The following NEB variants were observed in gnomAD, a reference collection of about 807,000 sequenced individuals.
NEB encodes the protein nebulin.
In NEB, 512 loss-of-function variants were observed where a neutral mutation model predicts 952.2. The observed-to-expected ratio is 0.54, with a 90% CI of 0.50 to 0.58. The LOEUF (loss-of-function observed/expected upper bound fraction) is 0.58. Among genes scored for constraint, NEB ranks in the 20% least tolerant of loss-of-function variants. The pLI, the probability that NEB is intolerant of heterozygous loss-of-function variation, is 0.00. For missense variants in NEB, 8,428 were observed against 9,231.1 expected, an observed-to-expected ratio of 0.91 and a Z score of 3.56; for synonymous variants, 2,900 against 3,149.8, an observed-to-expected ratio of 0.92 and a Z score of 2.66.
Position 151,630,733 on chromosome 2 carries a change from G to T in NEB, c.9705C>A (p.Asn3235Lys), listed in dbSNP as rs1222168464. ...DTPEIMLARQ[N>K]KINYSETLYK... ...CTCCTACCTCACTGTAGTTGATTTT[G>T]TTCTGCCTTGCCAACATAATCTCTG... Residue 3235 changes from asparagine to lysine, a missense_variant, in exon 67 of 182, where the codon AAC (asparagine) becomes AAA (lysine). Physicochemically the swap from Asn to Lys is moderately conservative, Grantham distance 94 (BLOSUM62 0). This residue lies in a region of NEB where 1,772 missense variants were observed against 1,960.3 expected (regional missense o/e 0.90). Transcript: ENST00000397345. The T allele has an allele frequency of 1.2e-6, 2 of 1,608,224 alleles. No individual in the cohort carries two copies. The highest frequency in any genetic ancestry group is 1.7e-6 in the Non-Finnish European group (2 of 1,176,960).
chr2:151,709,356 T>C (rs2099737017), intron 12 of NEB, among the ~76,000 whole-genome samples: 1 of 152,178 alleles, frequency 6.6e-6, no homozygotes, highest in Non-Finnish European at 1.5e-5. Flanking sequence ...AATGTACAGT[T>C]TGGTTCCTCA....
intron 172 of NEB, 44 bp from the exon 173 acceptor site, chr2:151,496,412 T>C (rs2060206916): frequency 6.4e-7 from 1 of 1,562,842 alleles, no homozygotes; most frequent in Non-Finnish European, 8.7e-7. Flanking sequence ...ATGAGTAACA[T>C]TTCATTTGTT....
chr2:151,674,164 T>C (rs1466090312), intron 36 of NEB, among the ~76,000 whole-genome samples: 1 of 152,188 alleles, frequency 6.6e-6, no homozygotes, highest in East Asian at 1.9e-4. Flanking sequence ...GAATTTAATG[T>C]GGTAATGTCA....
rs368471624 is a variant in NEB, at chr2:151,650,705, C to T, written c.7096G>A (p.Val2366Met). ...KFSSPVDMLG[V>M]VLAKKCQELV... is the part of the protein sequence containing the mutation. ...TCCTGACACTTCTTGGCCAGTACCA[C>T]TCCCAACATGTCCACTGGGCTGGAG... The change falls in exon 53 of 182, where the codon GTG becomes ATG. Residue 2366 changes from valine (V) to methionine (M), a missense_variant. Physicochemically the swap from Val to Met is conservative, Grantham distance 21 (BLOSUM62 1). Around this residue, in one of 11 missense-constraint regions of NEB, gnomAD observed 1,772 missense variants for 1,960.3 expected, o/e 0.90. Transcript: ENST00000397345. 6.2e-7 allele frequency: 1 copy of T among 1,613,964 alleles called. No individual in the cohort carries two copies. The highest frequency in any genetic ancestry group is 8.5e-7 in the Non-Finnish European group (1 of 1,179,870).
intron 53 of NEB, 84 bp from the exon 54 acceptor site, chr2:151,650,463 G>A (rs751939044): frequency 6.6e-6 from 10 of 1,506,006 alleles, no homozygotes; most frequent in East Asian, 4.6e-5. Flanking sequence ...ACAAACAGAT[G>A]CATTTTAGAT....
At chr2:151,501,359 A>T (rs1441107507) in intron 168 of NEB, 32 bp downstream of exon 168, 1 of 1,327,042 alleles carries the variant, frequency 7.5e-7, no homozygotes, top group Admixed American at 2.0e-5. Flanking sequence ...ATTATTTTTT[A>T]ATATGGAGTT....
rs768879374 is a variant in NEB, at chr2:151,524,307, T to C, written c.22479+4A>G. ...AGAGCCACCAGTGCACCCATCTGCA[T>C]TACCTGGCTGCTCAGCTTGGCTGCC... On this transcript the variant is annotated splice_donor_region_variant and intron_variant, in intron 153 of 181. Coordinates refer to ENST00000397345, the MANE Select transcript of NEB (RefSeq NM_001164508.2). The C allele has an allele frequency of 8.1e-6, 13 of 1,612,636 alleles. No individual in the cohort carries two copies. The highest frequency in any genetic ancestry group is 9.3e-6 in the Non-Finnish European group (11 of 1,178,994).
chr2:151,714,872 G>A (rs371201619), intron 10 of NEB, among the ~76,000 whole-genome samples: 4 of 152,332 alleles, frequency 2.6e-5, no homozygotes, highest in African/African-American at 9.6e-5. Context: ...CCAAAGGTAA[G>A]TCACTCTTGG....
intron 13 of NEB, 58 bp from the exon 14 acceptor site, chr2:151,697,706 A>G (rs1040679766): frequency 1.8e-5 from 19 of 1,066,964 alleles, no homozygotes; most frequent in African/African-American, 3.2e-5. Flanking sequence ...CGCTGATTAT[A>G]ACACTTACAT....
At chr2:151,537,102 A>C (rs1014484071) in intron 141 of NEB, 30 bp downstream of exon 141, 2 of 1,397,402 alleles carry the variant, frequency 1.4e-6, no homozygotes, top group Non-Finnish European at 2.0e-6. Flanking sequence ...TGTCGAATGG[A>C]TGAGGCCAAT....
chr2:151,497,050 C>T lies in NEB; in HGVS notation c.24301-17G>A, dbSNP rs778213066. On this transcript the variant is annotated splice_polypyrimidine_tract_variant and intron_variant, in intron 171 of 181. Transcript: ENST00000397345. Reference sequence around the variant, plus strand: ...GTATAACACCTGTGCGATAAGAAAGCAACCAGAAAAACAACCATGAGTAAC... The same window carrying T: ...GTATAACACCTGTGCGATAAGAAAGTAACCAGAAAAACAACCATGAGTAAC... 6.4e-7 allele frequency: 1 copy of T among 1,556,562 alleles called. No homozygotes were observed. The highest frequency in any genetic ancestry group is 1.4e-5 in the African/African-American group (1 of 73,342).
chr2:151,498,422 G>A, intron 169 of NEB, 70 bp from the exon 170 acceptor site: 1 of 1,105,170 alleles, frequency 9.0e-7, no homozygotes, highest in Non-Finnish European at 1.3e-6. Context: ...CTTTGGAGCA[G>A]TTGGGAGTGG....
At position 151,644,249 on chromosome 2, in the gene NEB, A is replaced by G. The variant is rs773704655; in HGVS notation, c.7645-120T>C. 355 of 1,375,690 alleles carry G rather than the reference A, an allele frequency of 2.6e-4. 1 individual carries two copies. Among genetic ancestry groups the G allele is most frequent in the Non-Finnish European group, 3.4e-4 (344 of 1,008,604 alleles). The allele number at this position is 1,375,690 out of a possible 1,614,324, so 85.2% of individuals were successfully genotyped here. A position where few individuals can be genotyped will look rare whatever the true frequency, so the allele number is the denominator to read the frequency against. On this transcript the variant is annotated intron_variant, in intron 56 of 181. Transcript: ENST00000397345. ...CTAAGCCTAGAGAGCCAAAGACTTC[A>G]GTCTTTTGATAAGAAAGATTAAAGG...
intron 27 of NEB, 143 bp downstream of exon 27, chr2:151,687,276 T>C: frequency 1.5e-6 from 1 of 669,216 alleles, no homozygotes; most frequent in South Asian, 2.2e-5. Context: ...CAGGGCATCA[T>C]TCTGAAGTTC....
rs752553797 is a variant in NEB at position 151,706,893 on chromosome 2, A to G, written c.1140T>C (p.Asp380=). The G allele has an allele frequency of 3.1e-6, 5 of 1,601,408 alleles. No individual in the cohort carries two copies. In the Admixed American group the frequency reaches 8.6e-5, roughly 27 times the overall value. ...AAAATATACTTACGTCACTTAGGGC[A>G]TCTCCTGCTGCCTTCAGCTGCCTAA... ...PQLRQLKAAG[D]ALSDKLYKEN... is the part of the protein sequence containing the mutation. Residue 380 remains aspartate, a synonymous_variant, in exon 13 of 182, where the codon GAT becomes GAC. Transcript: ENST00000397345.
chr2:151,493,898 A>T, intron 174 of NEB, 31 bp from the exon 175 acceptor site: 1 of 1,383,782 alleles, frequency 7.2e-7, no homozygotes, highest in Non-Finnish European at 9.9e-7. Flanking sequence ...CCCGAAAGTC[A>T]CTACGAGGTA....
intron 48 of NEB, among the ~76,000 whole-genome samples, chr2:151,657,168 C>T (rs146033860): frequency 4.2e-4 from 64 of 151,888 alleles, no homozygotes; most frequent in African/African-American, 1.4e-3. Flanking sequence ...ATTACTCCAG[C>T]GTAATAGAGG....
chr2:151,630,654 T>A, intron 67 of NEB, 61 bp downstream of exon 67: 1 of 1,357,836 alleles, frequency 7.4e-7, no homozygotes, highest in Non-Finnish European at 1.0e-6. Context: ...CCCAAGAATC[T>A]CCACAAAACT....
chr2:151,501,456 C>T lies in NEB; in HGVS notation c.23956G>A (p.Gly7986Arg). Residue 7986 changes from glycine to arginine, a missense_variant, in exon 168 of 182, where the codon GGG becomes AGG. Around this residue, in one of 11 missense-constraint regions of NEB, gnomAD observed 3,374 missense variants for 3,651.5 expected, o/e 0.92. Transcript: ENST00000397345. ...TCAGGAGTGACAGGTAGGGGAGTCC[C>T]CTTGCTCAAGTTCTCTTTGTACAAT... ...SILYKENLSK[G>R]TPLPVTPEME... 6.5e-7 allele frequency: 1 copy of T among 1,532,426 alleles called. No homozygotes were observed. Among genetic ancestry groups the T allele is most frequent in the South Asian group, 1.3e-5 (1 of 79,768 alleles). 94.9% of individuals were successfully genotyped at this position (1,532,426 alleles called of 1,614,324 possible).
Sources: allele counts gnomAD v4.1 joint callset (sites outside exome capture counted in the v4.1 genomes callset), GRCh38; gene constraint gnomAD v4.1.1; regional missense constraint gnomAD v4.1.1; transcripts MANE v1.5; gene names NCBI Gene and HGNC (gene_info 2026-07-23, HGNC 2026-07-21).